Variants in RABGAP1L observed in about 807,000 individuals in gnomAD.
RABGAP1L encodes the protein RAB GTPase activating protein 1 like.
RABGAP1L carries 63 observed loss-of-function variants against 137.7 expected under a neutral mutation model. The ratio of observed to expected loss-of-function variants is 0.46; its 90% CI spans 0.37 to 0.56. The LOEUF (loss-of-function observed/expected upper bound fraction) is 0.56. Among genes scored for constraint, RABGAP1L ranks in the 20% least tolerant of loss-of-function variants. RABGAP1L has a pLI of 0.00. For missense variants in RABGAP1L, 1,095 were observed against 1,244.0 expected (o/e 0.88, Z 1.80); for synonymous variants, 431 against 433.7 (o/e 0.99, Z 0.08).
At position 174,722,481 on chromosome 1, in the gene RABGAP1L, C is replaced by T. The variant is rs77592502; in HGVS notation, c.2169+20225C>T. 2.8e-4 allele frequency among the ~76,000 whole-genome samples: 43 copies of T among 151,304 alleles called. No homozygotes were observed. The Middle Eastern group carries it at 0.01, about 36-fold the overall frequency. On this transcript the variant is annotated intron_variant, in intron 17 of 25. Transcript: ENST00000681986. ...TTTTTTTTTTTGAGACGGAGTTTCA[C>T]TCTTGTTGCCCAGGCTGGAGTGCAG...
At position 174,780,712 on chromosome 1, in the gene RABGAP1L, TC is replaced by T. The variant is rs1553251642; in HGVS notation, c.2211+28365del. On this transcript the variant is annotated intron_variant, in intron 18 of 25. Coordinates refer to ENST00000681986, the MANE Select transcript of RABGAP1L (RefSeq NM_001366446.1). ...TAGGTATATCTCCTAATGCTATCCC[TC>T]CCCCCCACCCCCCCACCCCACAACA... Among the ~76,000 whole-genome samples, 9 of 87,134 alleles carry T rather than the reference TC, an allele frequency of 1.0e-4. No individual in the cohort carries two copies. The East Asian group carries it at 1.2e-3, about 12-fold the overall frequency. The allele number at this position is 87,134 out of a possible 152,430, so 57.2% of individuals were successfully genotyped here. A position where few individuals can be genotyped will look rare whatever the true frequency, so the allele number is the denominator to read the frequency against.
intron 4 of RABGAP1L, among the ~76,000 whole-genome samples, chr1:174,240,751 A>G (rs2148554745): frequency 1.3e-5 from 2 of 152,338 alleles, no homozygotes; most frequent in East Asian, 3.9e-4. Context: ...CTCTCCAGGA[A>G]TAGTCTATAC....
chr1:174,634,226 C>G (rs1328469971), intron 13 of RABGAP1L, among the ~76,000 whole-genome samples: 1 of 133,284 alleles, frequency 7.5e-6, no homozygotes, highest in Non-Finnish European at 1.5e-5. Flanking sequence ...GGGCGAAGGA[C>G]ATGAACAGAC....
chr1:174,603,871 A>G (rs1670590889), intron 13 of RABGAP1L, among the ~76,000 whole-genome samples: 1 of 152,012 alleles, frequency 6.6e-6, no homozygotes, highest in African/African-American at 2.4e-5. Flanking sequence ...TGTGGGCCTC[A>G]GGACACTGCT....
rs541308129 is a variant in RABGAP1L at position 174,244,628 on chromosome 1, A to G, written c.717+2971A>G. ...TCCAACCAGAAGTATCTTGAGGTCA[A>G]TGATCTTTGTATAAGGAGAATGATA... On this transcript the variant is annotated intron_variant, in intron 5 of 25. Coordinates refer to ENST00000681986, the MANE Select transcript of RABGAP1L (RefSeq NM_001366446.1). 11 of 152,346 alleles carry G rather than the reference A, an allele frequency of 7.2e-5. No homozygotes were observed. The Middle Eastern group carries it at 0.01, about 141-fold the overall frequency. The allele number at this position is 152,346 out of a possible 1,614,324, so 9.4% of individuals were successfully genotyped here.
chr1:174,190,076 G>C (rs554042331), intron 1 of RABGAP1L, among the ~76,000 whole-genome samples: 19 of 152,204 alleles, frequency 1.2e-4, no homozygotes, highest in African/African-American at 4.6e-4. Flanking sequence ...AGGCCGAGGC[G>C]GGTGGATCAT....
intron 1 of RABGAP1L, among the ~76,000 whole-genome samples, chr1:174,183,402 A>G (rs1666538874): frequency 6.6e-6 from 1 of 152,174 alleles, no homozygotes; most frequent in Non-Finnish European, 1.5e-5. Context: ...TTGGGATTAC[A>G]GGTGTGAGCC....
intron 13 of RABGAP1L, among the ~76,000 whole-genome samples, chr1:174,429,654 G>T (rs541457369): frequency 1.3e-5 from 2 of 152,042 alleles, no homozygotes; most frequent in Non-Finnish European, 2.9e-5. Context: ...CAGGAGAATC[G>T]CCTCAACCCG....
At chr1:174,250,695 A>T in intron 6 of RABGAP1L, 63 bp downstream of exon 6, 1 of 1,443,588 alleles carries the variant, frequency 6.9e-7, no homozygotes, top group East Asian at 2.3e-5. Flanking sequence ...GGCGCATATA[A>T]AGTTTCAAGA....
At chr1:174,545,249 C>A (rs2147955441) in intron 13 of RABGAP1L, 1 of 152,652 alleles carries the variant, frequency 6.6e-6, no homozygotes. Context: ...TTGGTGGGCT[C>A]CACCCAGTTC....
At chr1:174,198,524 GATTT>G (rs1667863584) in intron 1 of RABGAP1L, among the ~76,000 whole-genome samples, 1 of 152,132 alleles carries the variant, frequency 6.6e-6, no homozygotes, top group African/African-American at 2.4e-5. Context: ...TTAGTATTTA[GATTT>G]ATTTGATTTA....
chr1:174,974,463 A>T (rs575236661), intron 21 of RABGAP1L, among the ~76,000 whole-genome samples: 1 of 152,250 alleles, frequency 6.6e-6, no homozygotes, highest in Non-Finnish European at 1.5e-5. Context: ...AAAATGCCGT[A>T]CTTTATGCCA....
intron 13 of RABGAP1L, among the ~76,000 whole-genome samples, chr1:174,590,269 T>C (rs1288876526): frequency 6.6e-6 from 1 of 150,520 alleles, no homozygotes; most frequent in Non-Finnish European, 1.5e-5. Context: ...GTTAAATAAA[T>C]GAATATGAGA....
In RABGAP1L at chr1:174,629,558, G is replaced by A. The variant is rs547340141; in HGVS notation, c.1711-7817G>A. On this transcript the variant is annotated intron_variant, in intron 13 of 25. Transcript: ENST00000681986. The stretch of plus-strand genomic sequence containing the variant: ...TTTTAATTAATTTTTTTTTTGAGAC[G>A]GAGTCTCGCTCTGTCGCCCAGTGGC... 1.3e-3 allele frequency among the ~76,000 whole-genome samples: 193 copies of A among 151,746 alleles called. 1 individual carries two copies. The highest frequency in any genetic ancestry group is 4.2e-3 in the African/African-American group (176 of 41,418).
At chr1:174,980,498 A>C (rs1343174833) in intron 23 of RABGAP1L, among the ~76,000 whole-genome samples, 2 of 152,248 alleles carry the variant, frequency 1.3e-5, no homozygotes, top group African/African-American at 4.8e-5. Flanking sequence ...AGGCGATGTA[A>C]GACTTGGATC....
intron 13 of RABGAP1L, among the ~76,000 whole-genome samples, chr1:174,612,448 T>A (rs1177862633): frequency 6.6e-6 from 1 of 152,202 alleles, no homozygotes; most frequent in Non-Finnish European, 1.5e-5. Context: ...TGCTGCTGGA[T>A]TCGGTTTGCC....
At chr1:174,257,635 T>C (rs1673238005) in intron 7 of RABGAP1L, among the ~76,000 whole-genome samples, 1 of 152,208 alleles carries the variant, frequency 6.6e-6, no homozygotes, top group African/African-American at 2.4e-5. Flanking sequence ...AGGCATTTTT[T>C]CCAGAGCACA....
At chr1:174,465,993 T>C (rs1433272592) in intron 13 of RABGAP1L, among the ~76,000 whole-genome samples, 1 of 152,222 alleles carries the variant, frequency 6.6e-6, no homozygotes, top group Non-Finnish European at 1.5e-5. Context: ...CAGTATTCTC[T>C]TGCTCAGTGT....
intron 1 of RABGAP1L, among the ~76,000 whole-genome samples, chr1:174,218,334 TC>T (rs1167441931): frequency 6.6e-6 from 1 of 152,194 alleles, no homozygotes; most frequent in African/African-American, 2.4e-5. Context: ...CTACTTGTTT[TC>T]CTTATTCACT....
Sources: gnomAD v4.1 joint callset for allele counts (sites outside exome capture counted in the v4.1 genomes callset) on GRCh38, gnomAD v4.1.1 for gene constraint, MANE v1.5 for transcripts, NCBI Gene and HGNC (gene_info 2026-07-23, HGNC 2026-07-21) for gene names.